Variants in CNBD1 observed in about 807,000 individuals in gnomAD.
CNBD1 encodes the protein cyclic nucleotide binding domain containing 1, also known as cyclic nucleotide-binding domain-containing protein 1.
CNBD1 carries 71 observed loss-of-function variants against 54.4 expected under a neutral mutation model. The observed-to-expected ratio is 1.30, with a 90% CI of 1.08 to 1.59. The LOEUF is 1.59. Among genes scored for constraint, CNBD1 ranks in the 40% most tolerant of loss-of-function variants. The pLI, the probability that CNBD1 is intolerant of heterozygous loss-of-function variation, is 0.00. For missense variants in CNBD1, 659 were observed against 518.0 expected (o/e 1.27, Z -2.64); for synonymous variants, 182 against 170.7 (o/e 1.07, Z -0.51).
At chr8:86,960,781 G>A (rs1466812671) in intron 4 of CNBD1, among the ~76,000 whole-genome samples, 1 of 152,134 alleles carries the variant, frequency 6.6e-6, no homozygotes, top group Non-Finnish European at 1.5e-5. Flanking sequence ...CCTCTGAGAC[G>A]AAGCTTCCAG....
chr8:86,992,833 G>A (rs766217709), intron 4 of CNBD1, among the ~76,000 whole-genome samples: 1 of 151,974 alleles, frequency 6.6e-6, no homozygotes, highest in South Asian at 2.1e-4. Context: ...AGTCTGATTG[G>A]GTCCCCTTCG....
At chr8:87,331,224 G>T (rs114838470) in intron 8 of CNBD1, among the ~76,000 whole-genome samples, 2 of 151,898 alleles carry the variant, frequency 1.3e-5, no homozygotes, top group Non-Finnish European at 2.9e-5. Context: ...CTTGCACCCC[G>T]CTGACAGGTC....
chr8:87,175,249 G>T (rs1358206595), intron 4 of CNBD1, among the ~76,000 whole-genome samples: 1 of 152,086 alleles, frequency 6.6e-6, no homozygotes, highest in East Asian at 1.9e-4. Flanking sequence ...TGGCCAAGCT[G>T]GTATCTAAGG....
At chr8:86,992,804 G>A (rs35209568) in intron 4 of CNBD1, among the ~76,000 whole-genome samples, 3,515 of 152,132 alleles carry the variant, frequency 0.023, 68 homozygotes, top group South Asian at 0.042. Flanking sequence ...ACAATTTCTG[G>A]CTTGTAAGGT....
intron 4 of CNBD1, among the ~76,000 whole-genome samples, chr8:87,040,428 T>TC (rs1467487280): frequency 2.7e-5 from 4 of 149,682 alleles, no homozygotes; most frequent in African/African-American, 4.9e-5. Flanking sequence ...TTTTTCTTTT[T>TC]TTTTTTTTTT....
At chr8:87,412,292 A>C (rs1481063650) in intron 2 of CNBD1, among the ~76,000 whole-genome samples, 3 of 152,090 alleles carry the variant, frequency 2.0e-5, no homozygotes, top group African/African-American at 7.2e-5. Flanking sequence ...TAAATGTTAA[A>C]ACTAAGATGA....
intron 4 of CNBD1, among the ~76,000 whole-genome samples, chr8:87,181,246 A>G (rs1398675054): frequency 1.3e-5 from 2 of 152,226 alleles, no homozygotes; most frequent in African/African-American, 2.4e-5. Context: ...TGAATACACA[A>G]TAACTGCACA....
chr8:86,961,336 G>A (rs1807923416), intron 4 of CNBD1, among the ~76,000 whole-genome samples: 1 of 152,142 alleles, frequency 6.6e-6, no homozygotes, highest in Non-Finnish European at 1.5e-5. Flanking sequence ...AACTTCCCCA[G>A]ACTCCAAAGA....
At chr8:86,965,293 T>C (rs1355274826) in intron 4 of CNBD1, among the ~76,000 whole-genome samples, 10 of 152,156 alleles carry the variant, frequency 6.6e-5, no homozygotes, top group Admixed American at 6.6e-4. Context: ...AGTCAGGGAT[T>C]GGAATTAGTC....
intron 3 of CNBD1, among the ~76,000 whole-genome samples, chr8:86,930,462 A>C (rs1321192881): frequency 6.6e-6 from 1 of 152,150 alleles, no homozygotes; most frequent in Non-Finnish European, 1.5e-5. Flanking sequence ...ATCTTGGGCC[A>C]GTGCATGACC....
At chr8:87,010,240 G>GC (rs1809187966) in intron 4 of CNBD1, among the ~76,000 whole-genome samples, 1 of 152,020 alleles carries the variant, frequency 6.6e-6, no homozygotes, top group African/African-American at 2.4e-5. Flanking sequence ...TACTTCAAAT[G>GC]CATGTGTTAG....
intron 2 of CNBD1, among the ~76,000 whole-genome samples, chr8:87,418,847 G>A (rs575024957): frequency 6.2e-4 from 95 of 152,002 alleles, no homozygotes; most frequent in African/African-American, 2.1e-3. Flanking sequence ...CTTATACATA[G>A]CTGATGAAAG....
At chr8:87,356,011 G>A (rs765526917) in intron 10 of CNBD1, among the ~76,000 whole-genome samples, 3 of 152,018 alleles carry the variant, frequency 2.0e-5, no homozygotes, top group Non-Finnish European at 4.4e-5. Flanking sequence ...CTTTCACCAT[G>A]TGACACACCT....
chr8:87,248,924 CTAAG>C (rs1374590964), intron 6 of CNBD1, among the ~76,000 whole-genome samples: 1 of 152,148 alleles, frequency 6.6e-6, no homozygotes, highest in Non-Finnish European at 1.5e-5. Context: ...ATGGACTAAA[CTAAG>C]TGTCAGATTC....
chr8:87,383,061 A>G (rs895494452), downstream of CNBD1, among the ~76,000 whole-genome samples: 2 of 152,086 alleles, frequency 1.3e-5, no homozygotes, highest in Non-Finnish European at 2.9e-5. Context: ...TCTATAAAGC[A>G]TATGTAAAAG....
At chr8:86,997,221 G>T (rs905408791) in intron 4 of CNBD1, among the ~76,000 whole-genome samples, 1 of 152,096 alleles carries the variant, frequency 6.6e-6, no homozygotes, top group African/African-American at 2.4e-5. Flanking sequence ...TACCTTTGTG[G>T]GGATTGCAGT....
At chr8:87,040,626 G>A (rs1168469880) in intron 4 of CNBD1, among the ~76,000 whole-genome samples, 1 of 151,316 alleles carries the variant, frequency 6.6e-6, no homozygotes, top group Non-Finnish European at 1.5e-5. Context: ...GGGTTTCATG[G>A]TGTTAGCCAG....
At chr8:87,379,380 C>T (rs1811025612) in intron 10 of CNBD1, among the ~76,000 whole-genome samples, 1 of 151,840 alleles carries the variant, frequency 6.6e-6, no homozygotes, top group South Asian at 2.1e-4. Flanking sequence ...ACCAAGCGGA[C>T]CTAGTAGACA....
rs570361309 is a variant in CNBD1 at position 86,945,662 on chromosome 8, G to T, written c.431+5908G>T. On this transcript the variant is annotated intron_variant, in intron 4 of 10. Coordinates refer to ENST00000518476, the MANE Select transcript of CNBD1 (RefSeq NM_173538.3). ...TATCTAGAAAAGAAAGTTTCCATTT[G>T]AACTTAAAAGGGAACATAGGTTAAT... Among the ~76,000 whole-genome samples the T allele has an allele frequency of 3.9e-5, 6 of 152,238 alleles. No homozygotes were observed. The East Asian group carries it at 9.6e-4, about 24-fold the overall frequency.
Sources: gnomAD v4.1 joint callset for allele counts (sites outside exome capture counted in the v4.1 genomes callset) on GRCh38, gnomAD v4.1.1 for gene constraint, MANE v1.5 for transcripts, NCBI Gene and HGNC (gene_info 2026-07-23, HGNC 2026-07-21) for gene names.